Variants in PANX1 observed in about 807,000 individuals in gnomAD.
The protein encoded by PANX1 is pannexin 1, also known as pannexin-1.
In PANX1, 30 loss-of-function variants were observed where a neutral mutation model predicts 38.7. That is an observed-to-expected ratio of 0.78 (90% CI 0.58 to 1.05). The LOEUF is 1.05. Ranked by LOEUF, PANX1 falls within the 50% of genes least tolerant of loss-of-function variation. PANX1 has a pLI of 0.00. For missense variants in PANX1, 551 were observed against 517.2 expected, an observed-to-expected ratio of 1.07 and a Z score of -0.63; for synonymous variants, 230 against 212.2, an observed-to-expected ratio of 1.08 and a Z score of -0.73.
At chr11:94,140,274 A>C (rs1211405255) in intron 1 of PANX1, among the ~76,000 whole-genome samples, 1 of 152,144 alleles carries the variant, frequency 6.6e-6, no homozygotes, top group Non-Finnish European at 1.5e-5. Flanking sequence ...CAGTGGAGGG[A>C]GTTTTCCAGG....
chr11:94,159,992 A>G (rs897726129), intron 2 of PANX1, among the ~76,000 whole-genome samples: 1 of 152,026 alleles, frequency 6.6e-6, no homozygotes, highest in Non-Finnish European at 1.5e-5. Context: ...TGTACCCAGT[A>G]GTCATTCAGG....
chr11:94,174,359 G>A (rs1947205293), intron 2 of PANX1, among the ~76,000 whole-genome samples: 1 of 151,300 alleles, frequency 6.6e-6, no homozygotes, highest in Admixed American at 6.6e-5. Flanking sequence ...GAATTCAACA[G>A]ACAAACACGG....
Position 94,180,080 on chromosome 11 carries a change from G to C in PANX1, c.1024G>C (p.Val342Leu). ...CTTCTTGGAGGAAAATATAAGTGAG[G>C]TCAAGTCATACAAGTGTCTTAAGGT... ...NLFLEENISEVKSYKCLKVLE... is the reference protein window; with the variant it reads ...NLFLEENISELKSYKCLKVLE... Residue 342 changes from valine (V) to leucine (L), a missense_variant, in exon 4 of 5, where the codon GTC becomes CTC. By Grantham distance (32) the Val-to-Leu change is conservative. Coordinates refer to ENST00000227638, the MANE Select transcript of PANX1 (RefSeq NM_015368.4). 2.5e-6 allele frequency: 4 copies of C among 1,613,884 alleles called. No homozygotes were observed. The South Asian group carries it at 3.3e-5, about 13-fold the overall frequency.
chr11:94,178,641 T>A (rs749512880), intron 3 of PANX1, 49 bp downstream of exon 3: 4 of 1,430,544 alleles, frequency 2.8e-6, no homozygotes, highest in Non-Finnish European at 3.9e-6. Flanking sequence ...GGACAAATTC[T>A]CTGCCCTTCT....
At chr11:94,139,426 GCTAT>G (rs962379006) in intron 1 of PANX1, among the ~76,000 whole-genome samples, 11 of 152,174 alleles carry the variant, frequency 7.2e-5, no homozygotes, top group Non-Finnish European at 1.6e-4. Context: ...AACTTGTCAG[GCTAT>G]CTCACTATTG....
At chr11:94,161,157 A>AT (rs1285042078) in intron 2 of PANX1, among the ~76,000 whole-genome samples, 1 of 151,802 alleles carries the variant, frequency 6.6e-6, no homozygotes, top group African/African-American at 2.4e-5. Flanking sequence ...TGCCCTTAAC[A>AT]TTTTTTCCTT....
At position 94,180,790 on chromosome 11, in the gene PANX1, G is replaced by T; in HGVS notation, c.1202G>T (p.Gly401Val). 6.8e-7 allele frequency: 1 copy of T among 1,463,608 alleles called. No individual in the cohort carries two copies. The highest frequency in any genetic ancestry group is 9.6e-7 in the Non-Finnish European group (1 of 1,042,952). The allele number at this position is 1,463,608 out of a possible 1,614,324, so 90.7% of individuals were successfully genotyped here. A position where few individuals can be genotyped will look rare whatever the true frequency, so the allele number is the denominator to read the frequency against. Residue 401 changes from glycine (G) to valine (V), a missense_variant and splice_region_variant, in exon 5 of 5, where the codon GGT becomes GTT. By Grantham distance (109) the Gly-to-Val change is moderately radical. Coordinates refer to ENST00000227638, the MANE Select transcript of PANX1 (RefSeq NM_015368.4). ...EQGNQTAELQGMNIDSETKAN... is the reference protein window; with the variant it reads ...EQGNQTAELQVMNIDSETKAN... ...AAATATTTGTTTTCAATTTTGACAG[G>T]TATGAACATAGACAGTGAAACTAAA...
At chr11:94,144,951 A>G (rs1164546300) in intron 1 of PANX1, among the ~76,000 whole-genome samples, 1 of 152,228 alleles carries the variant, frequency 6.6e-6, no homozygotes, top group Non-Finnish European at 1.5e-5. Context: ...CCTGTCTTAT[A>G]GTAGTATTCA....
intron 1 of PANX1, among the ~76,000 whole-genome samples, chr11:94,134,918 G>A (rs1946670932): frequency 1.3e-5 from 2 of 152,194 alleles, no homozygotes; most frequent in South Asian, 4.1e-4. Context: ...TCTTACAGCA[G>A]CCTGGTTGAA....
At chr11:94,179,501 G>A (rs976048426) in intron 3 of PANX1, 101 bp from the exon 4 acceptor site, 15 of 795,362 alleles carry the variant, frequency 1.9e-5, no homozygotes, top group Non-Finnish European at 3.0e-5. Context: ...AAGTATGGGT[G>A]TTTGAAATTT....
intron 2 of PANX1, among the ~76,000 whole-genome samples, chr11:94,162,701 G>A (rs963815203): frequency 6.6e-6 from 1 of 151,990 alleles, no homozygotes; most frequent in Non-Finnish European, 1.5e-5. Flanking sequence ...TTCGGCTCAC[G>A]CTGGGTGCGC....
intron 1 of PANX1, among the ~76,000 whole-genome samples, chr11:94,147,558 G>T (rs890784876): frequency 1.3e-5 from 2 of 152,100 alleles, no homozygotes; most frequent in African/African-American, 2.4e-5. Flanking sequence ...CTGTCTTCGT[G>T]GTTGCTTGTG....
chr11:94,133,124 G>T (rs1946650530), intron 1 of PANX1, among the ~76,000 whole-genome samples: 1 of 152,224 alleles, frequency 6.6e-6, no homozygotes. Flanking sequence ...TCTTTATCAA[G>T]CCCTGCTGGG....
At chr11:94,159,633 C>G (rs769085528) in intron 2 of PANX1, among the ~76,000 whole-genome samples, 1 of 151,990 alleles carries the variant, frequency 6.6e-6, no homozygotes, top group Non-Finnish European at 1.5e-5. Flanking sequence ...CTTTATTAGT[C>G]TTGCTAGCGG....
chr11:94,176,844 T>G (rs1171913957), intron 2 of PANX1, among the ~76,000 whole-genome samples: 1 of 151,626 alleles, frequency 6.6e-6, no homozygotes, highest in Non-Finnish European at 1.5e-5. Context: ...CTTACCAGCT[T>G]TGTGATCTGG....
chr11:94,142,125 T>G (rs912691327), intron 1 of PANX1, among the ~76,000 whole-genome samples: 2 of 152,132 alleles, frequency 1.3e-5, no homozygotes, highest in South Asian at 4.1e-4. Context: ...CAGGACTGCG[T>G]GGGGCAAGCT....
Position 94,129,289 on chromosome 11 carries a change from G to A in PANX1, c.-24G>A. 1 of 1,589,726 alleles carries A rather than the reference G, an allele frequency of 6.3e-7. No homozygotes were observed. The highest frequency in any genetic ancestry group is 8.6e-7 in the Non-Finnish European group (1 of 1,162,204). ...GACGCCGGCTGTACCCGGACCTCCT[G>A]GTCGAGCCTGGCGCGCCGCAGCCAT... is the stretch of plus-strand genomic sequence containing the variant. On this transcript the variant is annotated 5_prime_UTR_variant, in exon 1 of 5. Transcript: ENST00000227638.
At chr11:94,162,356 G>A (rs936000045) in intron 2 of PANX1, among the ~76,000 whole-genome samples, 1 of 152,196 alleles carries the variant, frequency 6.6e-6, no homozygotes, top group Non-Finnish European at 1.5e-5. Flanking sequence ...TTGAGCTGTG[G>A]TGGGCTCCAC....
At chr11:94,139,427 C>G (rs962617865) in intron 1 of PANX1, among the ~76,000 whole-genome samples, 3 of 152,292 alleles carry the variant, frequency 2.0e-5, no homozygotes, top group Admixed American at 6.5e-5. Context: ...ACTTGTCAGG[C>G]TATCTCACTA....
Sources: gnomAD v4.1 joint callset for allele counts (sites outside exome capture counted in the v4.1 genomes callset) on GRCh38, gnomAD v4.1.1 for gene constraint, MANE v1.5 for transcripts, NCBI Gene and HGNC (gene_info 2026-07-23, HGNC 2026-07-21) for gene names.